NRP2: variants seen among roughly 807,000 people sequenced by gnomAD.
NRP2 encodes neuropilin-2.
In NRP2, 52 loss-of-function variants were observed where a neutral mutation model predicts 110.4. That is an observed-to-expected ratio of 0.47 (90% CI 0.38 to 0.59). The LOEUF (loss-of-function observed/expected upper bound fraction) is 0.59. NRP2 is among the 20% of genes least tolerant of loss of function. The pLI, the probability that NRP2 is intolerant of heterozygous loss-of-function variation, is 0.00. For synonymous variants in NRP2, 508 were observed against 468.9 expected, an observed-to-expected ratio of 1.08 and a Z score of -1.08; for missense variants, 1,049 against 1,203.0, an observed-to-expected ratio of 0.87 and a Z score of 1.89.
chr2:205,777,830 A>G (rs1052585169), intron 15 of NRP2: 2 of 152,204 alleles, frequency 1.3e-5, no homozygotes, highest in East Asian at 3.8e-4. Context: ...AAGTGTACCT[A>G]TGTGCTGCCC....
intron 10 of NRP2, 21 bp from the exon 11 acceptor site, chr2:205,749,704 T>C: frequency 6.3e-7 from 1 of 1,599,918 alleles, no homozygotes; most frequent in East Asian, 2.2e-5. Context: ...CATTCTCTTA[T>C]CTTCCTTTGC....
At chr2:205,731,450 G>T (rs1440626864) in intron 7 of NRP2, among the ~76,000 whole-genome samples, 1 of 152,198 alleles carries the variant, frequency 6.6e-6, no homozygotes, top group Admixed American at 6.5e-5. Flanking sequence ...CAAGGTCTTG[G>T]TCTAGTTCCT....
Position 205,723,960 on chromosome 2 carries a change from A to G in NRP2, c.820+20A>G. On this transcript the variant is annotated intron_variant, in intron 5 of 16. Transcript: ENST00000357785. Reference sequence around the variant, plus strand: ...TAGAGAGTGAGTTGGCCGATTGGGAACCTCTGTCCTGTCCTTCCGTCAGGG... The same window carrying G: ...TAGAGAGTGAGTTGGCCGATTGGGAGCCTCTGTCCTGTCCTTCCGTCAGGG... 1 of 1,613,552 alleles carries G rather than the reference A, an allele frequency of 6.2e-7. No individual in the cohort carries two copies. The highest frequency in any genetic ancestry group is 8.5e-7 in the Non-Finnish European group (1 of 1,179,794).
intron 1 of NRP2, among the ~76,000 whole-genome samples, chr2:205,691,223 C>G (rs1401601945): frequency 1.3e-5 from 2 of 152,148 alleles, no homozygotes; most frequent in African/African-American, 2.4e-5. Context: ...ATGAGGCCCT[C>G]CAGAACTCTC....
At chr2:205,758,945 G>C (rs1302407010) in intron 12 of NRP2, among the ~76,000 whole-genome samples, 1 of 150,938 alleles carries the variant, frequency 6.6e-6, no homozygotes, top group African/African-American at 2.4e-5. Context: ...CAGCTCTTTT[G>C]ACGGTCCAAG....
At chr2:205,737,150 C>G (rs377001472) in intron 7 of NRP2, among the ~76,000 whole-genome samples, 1 of 152,124 alleles carries the variant, frequency 6.6e-6, no homozygotes, top group Admixed American at 6.5e-5. Flanking sequence ...GGTATTGAAC[C>G]AACACATCAA....
Position 205,686,175 on chromosome 2 carries a change from AGCCTCCGCGAAGTTGGCC to A in NRP2, c.73+2819_73+2836del, listed in dbSNP as rs1443916021. On this transcript the variant is annotated intron_variant, in intron 1 of 16. Coordinates refer to ENST00000357785, the MANE Select transcript of NRP2 (RefSeq NM_003872.3). This position sits in a 1 kb window ranked among gnomAD's most constrained non-coding sequence, Gnocchi z 4.7. ...CCAGCGAAAGCAAAACCGAGGCTGA[AGCCTCCGCGAAGTTGGCC>A]GCCTCCAACTACTCCATGCTTGTGC... is the stretch of plus-strand genomic sequence containing the variant. Among the ~76,000 whole-genome samples, 9 of 152,166 alleles carry A rather than the reference AGCCTCCGCGAAGTTGGCC, an allele frequency of 5.9e-5. No homozygotes were observed. The highest frequency in any genetic ancestry group is 8.8e-5 in the Non-Finnish European group (6 of 68,032).
At chr2:205,716,400 G>T (rs745806444) in intron 3 of NRP2, 26 bp downstream of exon 3, 8 of 1,611,994 alleles carry the variant, frequency 5.0e-6, no homozygotes, top group South Asian at 1.1e-5. Context: ...CGTAGGGGCC[G>T]GGAGATGGGC....
chr2:205,683,245 C>A lies in NRP2; in HGVS notation c.-46C>A, dbSNP rs1199795189. ...AGAGAGAAAAACACAAAGATTTAAA[C>A]AAGAAACCTACGAACCCAGCTCTGG... On this transcript the variant is annotated 5_prime_UTR_variant, in exon 1 of 17. Transcript: ENST00000357785. 3 of 1,378,570 alleles carry A rather than the reference C, an allele frequency of 2.2e-6. No individual in the cohort carries two copies. The highest frequency in any genetic ancestry group is 3.4e-5 in the Admixed American group (2 of 58,858). 85.4% of individuals were successfully genotyped at this position (1,378,570 alleles called of 1,614,324 possible).
rs2057105825 is a variant in NRP2 at position 205,725,238 on chromosome 2, G to A, written c.821-675G>A. 6.6e-6 allele frequency among the ~76,000 whole-genome samples: 1 copy of A among 152,182 alleles called. No individual in the cohort carries two copies. Among genetic ancestry groups the A allele is most frequent in the Non-Finnish European group, 1.5e-5 (1 of 68,036 alleles). On this transcript the variant is annotated intron_variant, in intron 5 of 16. Coordinates refer to ENST00000357785, the MANE Select transcript of NRP2 (RefSeq NM_003872.3). The surrounding 1 kb of genome is among the most constrained non-coding windows in gnomAD (Gnocchi z 4.1). ...GGTTGATACCTGATAAGGATTGCTGGCCGATCTTAGACACATGCACACACA... is the reference window on the plus strand; with the variant it reads ...GGTTGATACCTGATAAGGATTGCTGACCGATCTTAGACACATGCACACACA...
chr2:205,692,819 G>A (rs2056341105), intron 1 of NRP2, among the ~76,000 whole-genome samples: 2 of 152,288 alleles, frequency 1.3e-5, no homozygotes, highest in East Asian at 1.9e-4. Context: ...CAATCTGTGG[G>A]TTATAAGATC....
intron 2 of NRP2, among the ~76,000 whole-genome samples, chr2:205,700,294 C>T (rs138894044): frequency 1.9e-4 from 29 of 152,290 alleles, no homozygotes; most frequent in African/African-American, 7.0e-4. Flanking sequence ...TGGGTGCATG[C>T]TTCAAATTGG....
intron 13 of NRP2, among the ~76,000 whole-genome samples, chr2:205,764,674 C>T (rs2057884244): frequency 6.6e-6 from 1 of 152,184 alleles, no homozygotes; most frequent in Non-Finnish European, 1.5e-5. Flanking sequence ...CAGAGAGGAA[C>T]CTGGGGAGGG....
At chr2:205,731,732 C>T (rs539929689) in intron 7 of NRP2, among the ~76,000 whole-genome samples, 7 of 152,242 alleles carry the variant, frequency 4.6e-5, no homozygotes, top group East Asian at 3.9e-4. Context: ...GCCAAATGCA[C>T]GCTATTGGCC....
chr2:205,736,059 G>A (rs949122899), intron 7 of NRP2, among the ~76,000 whole-genome samples: 1 of 152,152 alleles, frequency 6.6e-6, no homozygotes, highest in Non-Finnish European at 1.5e-5. Flanking sequence ...AATAAAAAGT[G>A]GGCCAGGCAT....
chr2:205,758,814 G>T (rs1000292658), intron 12 of NRP2, among the ~76,000 whole-genome samples: 2 of 152,112 alleles, frequency 1.3e-5, no homozygotes, highest in African/African-American at 4.8e-5. Context: ...TCAGCTACAA[G>T]AACAGGCAGG....
chr2:205,726,749 G>C, intron 6 of NRP2, among the ~76,000 whole-genome samples: 1 of 152,294 alleles, frequency 6.6e-6, no homozygotes, highest in South Asian at 2.1e-4. Flanking sequence ...TTCCACACCA[G>C]AGCAGTGACT....
At chr2:205,758,367 C>G (rs1180867890) in intron 12 of NRP2, among the ~76,000 whole-genome samples, 3 of 152,184 alleles carry the variant, frequency 2.0e-5, no homozygotes, top group Non-Finnish European at 4.4e-5. Flanking sequence ...GAGGATCAAG[C>G]TGGTGATTTA....
rs772010390 is a variant in NRP2 at position 205,745,777 on chromosome 2, C to T, written c.1673C>T (p.Pro558Leu). The change falls in exon 10 of 17, where the codon CCT becomes CTT. Residue 558 changes from proline to leucine, a missense_variant. Pro to Leu is a moderately conservative substitution (Grantham distance 98, BLOSUM62 -3). Coordinates refer to ENST00000357785, the MANE Select transcript of NRP2 (RefSeq NM_003872.3). ...GAAGGGAACATGCACTATGACACCCCTGACATCCGAAGGTTTGACCCCATT... is the reference window on the plus strand; with the variant it reads ...GAAGGGAACATGCACTATGACACCCTTGACATCCGAAGGTTTGACCCCATT... ...LFEGNMHYDT[P>L]DIRRFDPIPA... 1.2e-6 allele frequency: 2 copies of T among 1,614,230 alleles called. No individual in the cohort carries two copies. Among genetic ancestry groups the T allele is most frequent in the East Asian group, 2.2e-5 (1 of 44,876 alleles).
Sources: allele counts gnomAD v4.1 joint callset (sites outside exome capture counted in the v4.1 genomes callset), GRCh38; gene constraint gnomAD v4.1.1; non-coding constraint Gnocchi (gnomAD v3.1); transcripts MANE v1.5; gene names NCBI Gene and HGNC (gene_info 2026-07-23, HGNC 2026-07-21).